The following CDH23 variants were observed in gnomAD, a reference collection of about 807,000 sequenced individuals.
The protein encoded by CDH23 is cadherin related 23, also known as cadherin-23.
In CDH23, 189 loss-of-function variants were observed where a neutral mutation model predicts 317.1. The observed-to-expected ratio is 0.60, with a 90% CI of 0.53 to 0.67. The LOEUF (loss-of-function observed/expected upper bound fraction) is 0.67. CDH23 is among the 30% of genes least tolerant of loss of function. The pLI is 0.00. For missense variants in CDH23, 4,401 were observed against 4,592.4 expected (o/e 0.96, Z 1.20); for synonymous variants, 1,839 against 1,876.8 (o/e 0.98, Z 0.52).
At chr10:71,680,827 T>C (rs1029179440) in intron 17 of CDH23, among the ~76,000 whole-genome samples, 1 of 111,914 alleles carries the variant, frequency 8.9e-6, no homozygotes, top group African/African-American at 2.9e-5. Flanking sequence ...TTTTTTCTTT[T>C]TCTTTTTTTT....
intron 1 of CDH23, among the ~76,000 whole-genome samples, chr10:71,434,936 C>T (rs947942685): frequency 1.3e-5 from 2 of 152,226 alleles, no homozygotes; most frequent in Non-Finnish European, 2.9e-5. Context: ...GCATGTGCAG[C>T]TTACCTCCTG....
At chr10:71,431,018 C>G (rs982596590) in intron 1 of CDH23, among the ~76,000 whole-genome samples, 1 of 152,110 alleles carries the variant, frequency 6.6e-6, no homozygotes, top group African/African-American at 2.4e-5. Context: ...GAGGGAGGGG[C>G]CCATGTGCTA....
At chr10:71,728,467 C>T (rs148029457) in intron 30 of CDH23, among the ~76,000 whole-genome samples, 166 of 152,280 alleles carry the variant, frequency 1.1e-3, no homozygotes, top group Non-Finnish European at 1.7e-3. Flanking sequence ...CTGCTGTTTT[C>T]GGCTTCTACC....
intron 16 of CDH23, 57 bp from the exon 17 acceptor site, chr10:71,679,330 C>A (rs61852036): frequency 4.0e-6 from 4 of 1,010,042 alleles, no homozygotes; most frequent in Non-Finnish European, 6.1e-6. Context: ...TGCCCACCCT[C>A]TTCTGGCCCC....
intron 18 of CDH23, among the ~76,000 whole-genome samples, chr10:71,684,107 C>T (rs1032755899): frequency 1.8e-3 from 76 of 41,614 alleles, no homozygotes; most frequent in Non-Finnish European, 5.6e-3. Context: ...AAACAAACAA[C>T]AACAAAAAAA....
chr10:71,648,972 G>A (rs555494946), intron 14 of CDH23, among the ~76,000 whole-genome samples: 17 of 152,300 alleles, frequency 1.1e-4, no homozygotes, highest in Non-Finnish European at 1.8e-4. Context: ...GGGACCCCGC[G>A]TGCTGGCCTA....
intron 60 of CDH23, among the ~76,000 whole-genome samples, chr10:71,809,355 T>A (rs1431618521): frequency 6.6e-6 from 1 of 151,958 alleles, no homozygotes; most frequent in Non-Finnish European, 1.5e-5. Context: ...GATTTTGTAT[T>A]TTTAGTACAG....
intron 22 of CDH23, among the ~76,000 whole-genome samples, chr10:71,696,762 T>A (rs955415553): frequency 3.9e-5 from 6 of 152,100 alleles, no homozygotes; most frequent in Non-Finnish European, 8.8e-5. Flanking sequence ...AGGGCAGAGG[T>A]GAGGGATCTG....
intron 27 of CDH23, among the ~76,000 whole-genome samples, chr10:71,711,085 C>T (rs950104938): frequency 1.3e-5 from 2 of 152,154 alleles, no homozygotes; most frequent in African/African-American, 2.4e-5. Context: ...TCCCAGCCCG[C>T]CCATGCCCAG....
chr10:71,422,820 A>G (rs115723481), intron 1 of CDH23, among the ~76,000 whole-genome samples: 2,599 of 152,232 alleles, frequency 0.017, 78 homozygotes, highest in African/African-American at 0.058. Context: ...TGGGTGGGAA[A>G]GTTGAGGCCC....
At chr10:71,648,276 G>A (rs1452230643) in intron 14 of CDH23, among the ~76,000 whole-genome samples, 1 of 152,182 alleles carries the variant, frequency 6.6e-6, no homozygotes, top group Non-Finnish European at 1.5e-5. Flanking sequence ...CAGCCAGAGA[G>A]CAAGTGCCAG....
chr10:71,741,955 G>T lies in CDH23; in HGVS notation c.4845+34G>T, dbSNP rs547202516. 85 of 1,520,696 alleles carry T rather than the reference G, an allele frequency of 5.6e-5. No homozygotes were observed. In the East Asian group the frequency reaches 1.1e-3, roughly 20 times the overall value. 94.2% of individuals were successfully genotyped at this position (1,520,696 alleles called of 1,614,324 possible). On this transcript the variant is annotated intron_variant, in intron 38 of 69. Coordinates refer to ENST00000224721, the MANE Select transcript of CDH23 (RefSeq NM_022124.6). ...TGGGGGTGGCCACAGGGAGGAGCGG[G>T]TGGGCCAGGGCAGCTCCGCCTCCGA...
At position 71,797,238 on chromosome 10, in the gene CDH23, C is replaced by T; in HGVS notation, c.6829+18C>T. On this transcript the variant is annotated intron_variant, in intron 49 of 69. Transcript: ENST00000224721. The stretch of plus-strand genomic sequence containing the variant: ...GCCAAATGGTAAGGTTCCCTGCAGA[C>T]ATCTCTCATTGGTCACTCAGAGCCA... 6.4e-7 allele frequency: 1 copy of T among 1,552,746 alleles called. No homozygotes were observed. Among genetic ancestry groups the T allele is most frequent in the East Asian group, 2.3e-5 (1 of 44,292 alleles).
At chr10:71,610,012 C>CGA (rs370820654) in intron 9 of CDH23, among the ~76,000 whole-genome samples, 89 of 142,648 alleles carry the variant, frequency 6.2e-4, no homozygotes, top group African/African-American at 2.2e-3. Context: ...GACAGAGAGA[C>CGA]GAGAGAGAGA....
At chr10:71,752,994 C>G in intron 38 of CDH23, 5 of 1,613,024 alleles carry the variant, frequency 3.1e-6, no homozygotes, top group African/African-American at 2.7e-5. Context: ...CGCACCAGCT[C>G]CTGGGCACCT....
intron 11 of CDH23, among the ~76,000 whole-genome samples, chr10:71,625,951 C>A (rs1861714835): frequency 6.6e-6 from 1 of 152,194 alleles, no homozygotes; most frequent in Admixed American, 6.5e-5. Context: ...GTGGCTTTGA[C>A]CCCAAGAGAC....
chr10:71,615,370 A>G (rs940306365), intron 9 of CDH23, 134 bp from the exon 10 acceptor site: 15 of 702,510 alleles, frequency 2.1e-5, no homozygotes, highest in African/African-American at 5.2e-5. Context: ...TTGAACCAGC[A>G]TTCATTTCAA....
rs771756597 is a variant in CDH23 at position 71,815,159 on chromosome 10, A to G, written c.9946A>G (p.Thr3316Ala). ...CCTGGGCCGCTCGCTGGAGACGCTG[A>G]CCGCTGCCGAGGCCACTGCCTTCGA... ...KGLGRSLETL[T>A]AAEATAFERN... The change falls in exon 70 of 70, where the codon ACC (threonine) becomes GCC (alanine). Residue 3316 changes from threonine (T) to alanine (A), a missense_variant. Physicochemically the swap from Thr to Ala is moderately conservative, Grantham distance 58. Transcript: ENST00000224721. 6.2e-7 allele frequency: 1 copy of G among 1,611,432 alleles called. No individual in the cohort carries two copies. The highest frequency in any genetic ancestry group is 8.5e-7 in the Non-Finnish European group (1 of 1,179,010).
At chr10:71,710,930 G>A (rs928583051) in intron 27 of CDH23, among the ~76,000 whole-genome samples, 1 of 152,230 alleles carries the variant, frequency 6.6e-6, no homozygotes, top group African/African-American at 2.4e-5. Context: ...GGGCAGCAGG[G>A]AGCCCTTGAG....
Sources: gnomAD v4.1 joint callset for allele counts (sites outside exome capture counted in the v4.1 genomes callset) on GRCh38, gnomAD v4.1.1 for gene constraint, MANE v1.5 for transcripts, NCBI Gene and HGNC (gene_info 2026-07-23, HGNC 2026-07-21) for gene names.